CHN1: variants seen among roughly 807,000 people sequenced by gnomAD.
CHN1 encodes N-chimaerin.
CHN1 carries 37 observed loss-of-function variants against 59.5 expected under a neutral mutation model. That is an observed-to-expected ratio of 0.62 (90% confidence interval 0.48 to 0.82). The LOEUF is 0.82. Ranked by LOEUF, CHN1 falls within the 40% of genes least tolerant of loss-of-function variation. CHN1 has a pLI of 0.00. For synonymous variants in CHN1, 206 were observed against 200.4 expected (o/e 1.03, Z -0.24); for missense variants, 469 against 571.0 (o/e 0.82, Z 1.82).
chr2:174,811,768 T>A (rs1203121325), intron 9 of CHN1, among the ~76,000 whole-genome samples, 180 bp from the exon 10 acceptor site: 1 of 152,226 alleles, frequency 6.6e-6, no homozygotes, highest in Non-Finnish European at 1.5e-5. Context: ...CTCTTACCTA[T>A]TGTCACCTGA....
intron 1 of CHN1, among the ~76,000 whole-genome samples, chr2:174,998,676 C>A (rs536168111): frequency 1.3e-5 from 2 of 152,310 alleles, no homozygotes; most frequent in South Asian, 4.1e-4. Context: ...CCCACATTCT[C>A]TCAACTGTGG....
At chr2:174,986,031 A>C (rs1691328069) in intron 1 of CHN1, among the ~76,000 whole-genome samples, 2 of 152,212 alleles carry the variant, frequency 1.3e-5, no homozygotes, top group East Asian at 3.8e-4. Flanking sequence ...CAGGGTCCAA[A>C]CATCCATAAC....
chr2:174,814,650 CTGTGTT>C (rs1685184519), intron 8 of CHN1, among the ~76,000 whole-genome samples: 2 of 152,178 alleles, frequency 1.3e-5, no homozygotes, highest in Non-Finnish European at 2.9e-5. Context: ...ATGTAGTAAA[CTGTGTT>C]CACCATGACT....
chr2:174,944,979 CT>C, intron 2 of CHN1, 36 bp from the exon 3 acceptor site: 1 of 1,454,216 alleles, frequency 6.9e-7, no homozygotes, highest in Non-Finnish European at 9.5e-7. Context: ...GTCAATGTCC[CT>C]TACATAGAAC....
chr2:174,877,798 C>G, intron 6 of CHN1, 42 bp downstream of exon 6: 4 of 1,559,034 alleles, frequency 2.6e-6, no homozygotes, highest in Non-Finnish European at 2.6e-6. Context: ...TTAAAAGAAC[C>G]CCAAACAGAA....
At chr2:174,899,245 A>G (rs977454412) in intron 5 of CHN1, among the ~76,000 whole-genome samples, 2 of 152,238 alleles carry the variant, frequency 1.3e-5, no homozygotes, top group Non-Finnish European at 2.9e-5. Context: ...TATGAATTAG[A>G]AAGAGTCACA....
chr2:174,860,302 C>T (rs911145616), intron 6 of CHN1, among the ~76,000 whole-genome samples: 2 of 152,048 alleles, frequency 1.3e-5, no homozygotes, highest in African/African-American at 2.4e-5. Flanking sequence ...ATGGGTAAAA[C>T]AATTAAACAA....
chr2:174,967,532 A>G (rs114130528), intron 1 of CHN1, among the ~76,000 whole-genome samples: 3,663 of 152,080 alleles, frequency 0.024, 150 homozygotes, highest in African/African-American at 0.083. Context: ...ATTTTTTCCA[A>G]TTCAACAACT....
intron 5 of CHN1, among the ~76,000 whole-genome samples, chr2:174,886,536 T>G (rs1687901183): frequency 6.6e-6 from 1 of 152,184 alleles, no homozygotes; most frequent in Non-Finnish European, 1.5e-5. Flanking sequence ...AAAGGATTTA[T>G]TAAGTTTTAT....
At chr2:174,802,866 C>T (rs749851612) in intron 11 of CHN1, among the ~76,000 whole-genome samples, 3 of 151,944 alleles carry the variant, frequency 2.0e-5, no homozygotes, top group Admixed American at 6.6e-5. Flanking sequence ...GGTGAAACCC[C>T]GTCTCTACTA....
At chr2:174,929,688 T>G (rs995016539) in intron 3 of CHN1, among the ~76,000 whole-genome samples, 11 of 152,236 alleles carry the variant, frequency 7.2e-5, no homozygotes, top group Non-Finnish European at 1.5e-4. Flanking sequence ...TGGAAAAGGA[T>G]AATACATAAG....
chr2:174,807,446 C>CTGTGTGTG (rs71031071), intron 11 of CHN1, among the ~76,000 whole-genome samples: 2,492 of 83,770 alleles, frequency 0.03, 191 homozygotes, highest in East Asian at 0.041. Context: ...CACGGGCTAT[C>CTGTGTGTG]TGTGTGTGTG....
At chr2:174,967,258 T>G (rs1028537087) in intron 1 of CHN1, among the ~76,000 whole-genome samples, 1 of 152,002 alleles carries the variant, frequency 6.6e-6, no homozygotes, top group African/African-American at 2.4e-5. Flanking sequence ...AGGAGTGGCA[T>G]GCAGGGAGGA....
chr2:174,971,953 C>T (rs1690772101), intron 1 of CHN1, among the ~76,000 whole-genome samples: 1 of 152,182 alleles, frequency 6.6e-6, no homozygotes, highest in African/African-American at 2.4e-5. Context: ...AGGAGAAAGA[C>T]CAGGTCACCT....
In CHN1 at chr2:174,999,104, T is replaced by C. The variant is rs190201803; in HGVS notation, c.19+5790A>G. Among the ~76,000 whole-genome samples the C allele has an allele frequency of 2.6e-4, 39 of 152,274 alleles. 1 individual carries two copies. Among genetic ancestry groups the C allele is most frequent in the Middle Eastern group, 3.4e-3 (1 of 294 alleles). On this transcript the variant is annotated intron_variant, in intron 1 of 12. Coordinates refer to ENST00000409900, the MANE Select transcript of CHN1 (RefSeq NM_001822.7). ...TGACTTTTCAATGTAAATATGGTCA[T>C]ACTGTACCCTGTTTCCTTAGTTTTG...
intron 11 of CHN1, among the ~76,000 whole-genome samples, chr2:174,804,468 G>A (rs894800923): frequency 1.3e-5 from 2 of 152,168 alleles, no homozygotes; most frequent in South Asian, 2.1e-4. Context: ...TCAGTTATCT[G>A]TACTCTGGCT....
intron 7 of CHN1, among the ~76,000 whole-genome samples, chr2:174,825,405 G>A (rs773789429): frequency 5.9e-5 from 9 of 152,260 alleles, no homozygotes; most frequent in East Asian, 1.9e-4. Flanking sequence ...CAGGAACCTC[G>A]TTTGAGTACA....
At chr2:174,976,697 T>A (rs908818109) in intron 1 of CHN1, among the ~76,000 whole-genome samples, 1 of 152,236 alleles carries the variant, frequency 6.6e-6, no homozygotes, top group Non-Finnish European at 1.5e-5. Flanking sequence ...TGGCTCATAA[T>A]TTTGTTGAAG....
intron 6 of CHN1, 46 bp downstream of exon 6, chr2:174,877,789 TAAAAG>T: frequency 6.5e-7 from 1 of 1,539,864 alleles, no homozygotes; most frequent in Non-Finnish European, 8.8e-7. Flanking sequence ...ATGGCTTTCT[TAAAAG>T]AACCCCAAAC....
Sources: gnomAD v4.1 joint callset for allele counts (sites outside exome capture counted in the v4.1 genomes callset) on GRCh38, gnomAD v4.1.1 for gene constraint, MANE v1.5 for transcripts, NCBI Gene and HGNC (gene_info 2026-07-23, HGNC 2026-07-21) for gene names.